Variants in MORN3 observed in about 807,000 individuals in gnomAD.
The protein encoded by MORN3 is MORN repeat-containing protein 3.
A neutral mutation model predicts 34.7 loss-of-function variants in MORN3; 38 were observed. The observed-to-expected ratio is 1.10, with a 90% CI of 0.85 to 1.44. The LOEUF (loss-of-function observed/expected upper bound fraction) is 1.44, where lower values mean the gene tolerates loss of function less well. Ranked by LOEUF, MORN3 falls within the 40% of genes most tolerant of loss-of-function variation. The pLI, the probability that MORN3 is intolerant of heterozygous loss-of-function variation, is 0.00. For synonymous variants in MORN3, 109 were observed against 115.3 expected (o/e 0.95, Z 0.35); for missense variants, 311 against 321.7 (o/e 0.97, Z 0.25).
chr12:121,655,380 C>T (rs1893387053), intron 2 of MORN3, among the ~76,000 whole-genome samples: 1 of 151,802 alleles, frequency 6.6e-6, no homozygotes, highest in Admixed American at 6.6e-5. Flanking sequence ...GCTCGCCCCC[C>T]TCCCACTCTT....
intron 2 of MORN3, 42 bp downstream of exon 2, chr12:121,659,135 GCGCACACACACACA>G: frequency 1.6e-6 from 2 of 1,283,262 alleles, no homozygotes; most frequent in Non-Finnish European, 2.1e-6. Context: ...ACACACACGC[GCGCACACACACACA>G]CACACACACA....
At chr12:121,666,367 G>T (rs1235315598) in intron 1 of MORN3, among the ~76,000 whole-genome samples, 2 of 152,006 alleles carry the variant, frequency 1.3e-5, no homozygotes, top group African/African-American at 4.8e-5. Context: ...GGCTGGGCGT[G>T]GTGGTGTGTG....
rs771786074 is a variant in MORN3, at chr12:121,669,550, C to A, written c.-67G>T. 590 of 1,595,528 alleles carry A rather than the reference C, an allele frequency of 3.7e-4. No individual in the cohort carries two copies. The highest frequency in any genetic ancestry group is 4.2e-4 in the Non-Finnish European group (492 of 1,169,450). Reference sequence around the variant, plus strand: ...TAGGGACATCTGGGGCTCAGCGCGCCCCGTGTAATGCCGGGATCCTGAGCT... The same window carrying A: ...TAGGGACATCTGGGGCTCAGCGCGCACCGTGTAATGCCGGGATCCTGAGCT... On this transcript the variant is annotated 5_prime_UTR_variant, in exon 1 of 6. Coordinates refer to ENST00000355329, the MANE Select transcript of MORN3 (RefSeq NM_173855.5).
upstream of MORN3, among the ~76,000 whole-genome samples, chr12:121,670,847 C>A (rs534998171): frequency 3.7e-5 from 5 of 135,050 alleles, no homozygotes; most frequent in South Asian, 9.7e-4. Context: ...CAGTGGCTCA[C>A]GCCTGTAATC....
upstream of MORN3, chr12:121,669,729 A>G (rs1893890339): frequency 1.0e-5 from 4 of 390,388 alleles, no homozygotes; most frequent in South Asian, 1.1e-4. Flanking sequence ...TTACTTGGGA[A>G]TCTAGGGAAA....
At chr12:121,669,832 A>ATT (rs63366260), upstream of MORN3, among the ~76,000 whole-genome samples, 207 of 133,596 alleles carry the variant, frequency 1.5e-3, 1 homozygote, top group Middle Eastern at 7.6e-3. Flanking sequence ...ATATATATAT[A>ATT]TTTTTTTTTT....
chr12:121,661,663 G>A (rs1430375706), intron 1 of MORN3, among the ~76,000 whole-genome samples: 13 of 152,134 alleles, frequency 8.5e-5, no homozygotes, highest in Admixed American at 3.3e-4. Context: ...ATCACTTGAG[G>A]TCAGGAGTTT....
intron 1 of MORN3, among the ~76,000 whole-genome samples, chr12:121,666,596 T>A (rs553578099): frequency 1.3e-5 from 2 of 151,946 alleles, no homozygotes; most frequent in Non-Finnish European, 2.9e-5. Context: ...GAGGTATACT[T>A]GCAGGAGGAG....
At chr12:121,653,398 A>C (rs1893310841) in intron 3 of MORN3, 139 bp from the exon 4 acceptor site, 1 of 888,832 alleles carries the variant, frequency 1.1e-6, no homozygotes, top group Non-Finnish European at 1.7e-6. Flanking sequence ...CAGGAGATCA[A>C]GACCAGCCTG....
intron 2 of MORN3, among the ~76,000 whole-genome samples, chr12:121,655,455 A>C (rs1287008539): frequency 6.6e-6 from 1 of 152,054 alleles, no homozygotes; most frequent in Non-Finnish European, 1.5e-5. Context: ...TACGCCTATA[A>C]TCCCAGCACT....
intron 1 of MORN3, among the ~76,000 whole-genome samples, chr12:121,659,645 C>A (rs1893521381): frequency 4.0e-5 from 6 of 151,632 alleles, no homozygotes. Flanking sequence ...GGAGATACTC[C>A]TGCCTCAGCC....
chr12:121,662,098 G>A (rs1893601744), intron 1 of MORN3, among the ~76,000 whole-genome samples: 1 of 151,990 alleles, frequency 6.6e-6, no homozygotes, highest in Admixed American at 6.6e-5. Context: ...CAATTAGCAG[G>A]GGCTGGTGGG....
upstream of MORN3, among the ~76,000 whole-genome samples, chr12:121,671,839 C>T (rs1044693585): frequency 2.0e-5 from 3 of 151,364 alleles, no homozygotes; most frequent in Non-Finnish European, 4.4e-5. Flanking sequence ...CTGAGATCTG[C>T]CACTGCACTC....
At chr12:121,652,170 G>A (rs1594218431) in intron 5 of MORN3, among the ~76,000 whole-genome samples, 1 of 151,880 alleles carries the variant, frequency 6.6e-6, no homozygotes, top group African/African-American at 2.4e-5. Context: ...TCCTGACCTC[G>A]TGATCCACCC....
At chr12:121,666,400 A>G (rs1893756155) in intron 1 of MORN3, among the ~76,000 whole-genome samples, 1 of 151,924 alleles carries the variant, frequency 6.6e-6, no homozygotes, top group South Asian at 2.1e-4. Flanking sequence ...GCTACTTGGG[A>G]GGCTGAGGTA....
At chr12:121,666,075 A>T (rs1299002786) in intron 1 of MORN3, among the ~76,000 whole-genome samples, 1 of 152,146 alleles carries the variant, frequency 6.6e-6, no homozygotes, top group Non-Finnish European at 1.5e-5. Flanking sequence ...CACACTTGTA[A>T]TCCCAGAACT....
intron 1 of MORN3, among the ~76,000 whole-genome samples, chr12:121,659,888 T>G (rs562988386): frequency 6.6e-6 from 1 of 152,000 alleles, no homozygotes; most frequent in Admixed American, 6.6e-5. Flanking sequence ...CAGGAGAATG[T>G]GAGCTGCAGG....
chr12:121,663,033 A>G (rs1809187001), intron 1 of MORN3, among the ~76,000 whole-genome samples: 1 of 152,118 alleles, frequency 6.6e-6, no homozygotes, highest in African/African-American at 2.4e-5. Context: ...CCTGGTGTAC[A>G]GCATCGTTCT....
chr12:121,665,764 CAA>C (rs59071462), intron 1 of MORN3, among the ~76,000 whole-genome samples: 17 of 50,570 alleles, frequency 3.4e-4, no homozygotes, highest in African/African-American at 3.8e-4. Flanking sequence ...GACTCTGTCT[CAA>C]AAAAAAAAAA....
Sources: allele counts gnomAD v4.1 joint callset (sites outside exome capture counted in the v4.1 genomes callset), GRCh38; gene constraint gnomAD v4.1.1; transcripts MANE v1.5; gene names NCBI Gene and HGNC (gene_info 2026-07-23, HGNC 2026-07-21).